AFF3: variants seen among roughly 807,000 people sequenced by gnomAD.
AFF3 encodes AF4/FMR2 family member 3.
In AFF3, 32 loss-of-function variants were observed where a neutral mutation model predicts 129.7. That is an observed-to-expected ratio of 0.25 (90% CI 0.19 to 0.33). The LOEUF (loss-of-function observed/expected upper bound fraction) is 0.33. Among genes scored for constraint, AFF3 ranks in the 10% least tolerant of loss-of-function variants. The pLI, the probability that AFF3 is intolerant of heterozygous loss-of-function variation, is 1.00. For synonymous variants in AFF3, 644 were observed against 635.4 expected (o/e 1.01, Z -0.20); for missense variants, 1,373 against 1,592.0 (o/e 0.86, Z 2.34).
chr2:99,621,825 G>A (rs1202325976), intron 13 of AFF3, among the ~76,000 whole-genome samples: 2 of 152,102 alleles, frequency 1.3e-5, no homozygotes, highest in Non-Finnish European at 2.9e-5. Context: ...AAAGAGAGAA[G>A]GGGGCAAGCT....
intron 4 of AFF3, among the ~76,000 whole-genome samples, chr2:100,103,519 T>TG (rs1267310328): frequency 9.1e-6 from 1 of 109,490 alleles, no homozygotes; most frequent in Admixed American, 9.4e-5. Flanking sequence ...AGTGGGGGGT[T>TG]GGGGGGAGCA....
At chr2:99,879,915 G>C (rs1365115764) in intron 7 of AFF3, among the ~76,000 whole-genome samples, 5 of 152,132 alleles carry the variant, frequency 3.3e-5, no homozygotes, top group African/African-American at 9.7e-5. Context: ...TATAAAAACA[G>C]TTAAAAACCA....
At position 99,786,372 on chromosome 2, in the gene AFF3, G is replaced by A. The variant is rs147054707; in HGVS notation, c.922-34071C>T. On this transcript the variant is annotated intron_variant, in intron 8 of 24. Transcript: ENST00000672756. ...GCACACACTAGCTCAGTGTACATCC[G>A]TTAATGTCAGTTGTGGCTATTGCAA... is the stretch of plus-strand genomic sequence containing the variant. Among the ~76,000 whole-genome samples, 173 of 152,234 alleles carry A rather than the reference G, an allele frequency of 1.1e-3. 4 individuals are homozygous for A. In the East Asian group the frequency reaches 0.027, roughly 24 times the overall value.
intron 10 of AFF3, 97 bp from the exon 11 acceptor site, chr2:99,727,225 C>G (rs954229987): frequency 1.6e-5 from 19 of 1,210,724 alleles, no homozygotes; most frequent in Non-Finnish European, 2.1e-5. Flanking sequence ...TATTAACAAT[C>G]TTTCAAAATG....
chr2:100,092,182 A>T (rs1034436326), intron 4 of AFF3, among the ~76,000 whole-genome samples: 4 of 152,008 alleles, frequency 2.6e-5, no homozygotes, highest in African/African-American at 9.7e-5. Flanking sequence ...ATACATTTAA[A>T]TCCAAAGGGT....
chr2:99,821,714 A>G lies in AFF3; in HGVS notation c.921+15763T>C, dbSNP rs144398374. ...TGGGCTTTTATCCGACTGGAAGCACAGTAGGTTTGCCGACACTAACATCAC... is the reference window on the plus strand; with the variant it reads ...TGGGCTTTTATCCGACTGGAAGCACGGTAGGTTTGCCGACACTAACATCAC... On this transcript the variant is annotated intron_variant, in intron 8 of 24. Coordinates refer to ENST00000672756, the MANE Select transcript of AFF3 (RefSeq NM_001386135.1). 4.7e-3 allele frequency among the ~76,000 whole-genome samples: 713 copies of G among 152,320 alleles called. 1 individual carries two copies. The highest frequency in any genetic ancestry group is 0.017 in the African/African-American group (689 of 41,576).
chr2:99,703,190 T>G (rs184768191), intron 11 of AFF3, among the ~76,000 whole-genome samples: 1 of 152,258 alleles, frequency 6.6e-6, no homozygotes, highest in African/African-American at 2.4e-5. Flanking sequence ...GAGAATCCAT[T>G]TCCCTGTTTT....
intron 8 of AFF3, among the ~76,000 whole-genome samples, chr2:99,826,608 A>G (rs1688098357): frequency 6.6e-6 from 1 of 152,098 alleles, no homozygotes; most frequent in Non-Finnish European, 1.5e-5. Context: ...GGGGAAGAGC[A>G]TGAGTTGCGC....
chr2:99,907,732 A>G (rs1171982743), intron 7 of AFF3, among the ~76,000 whole-genome samples: 1 of 151,936 alleles, frequency 6.6e-6, no homozygotes, highest in African/African-American at 2.4e-5. Context: ...TCCGCCTCCC[A>G]GGTTCAAGCG....
chr2:99,753,820 A>C (rs1286863156), intron 8 of AFF3, among the ~76,000 whole-genome samples: 1 of 152,160 alleles, frequency 6.6e-6, no homozygotes, highest in Non-Finnish European at 1.5e-5. Flanking sequence ...AATTGTATAC[A>C]ATTTTATACA....
At chr2:99,695,345 G>A (rs548695248) in intron 11 of AFF3, among the ~76,000 whole-genome samples, 140 of 152,284 alleles carry the variant, frequency 9.2e-4, no homozygotes, top group African/African-American at 3.3e-3. Flanking sequence ...GAGTCTCCCA[G>A]GGTGGGACCC....
chr2:99,626,142 G>C (rs12988542), intron 13 of AFF3, among the ~76,000 whole-genome samples: 24,467 of 152,212 alleles, frequency 0.16, 2,447 homozygotes, highest in South Asian at 0.27. Context: ...AACAGAACCA[G>C]CTTGGTAGAA....
At chr2:99,991,506 A>C (rs1466767641) in intron 7 of AFF3, among the ~76,000 whole-genome samples, 1 of 152,218 alleles carries the variant, frequency 6.6e-6, no homozygotes, top group African/African-American at 2.4e-5. Flanking sequence ...AGAGGGAAAA[A>C]AGCTGAGTCA....
intron 10 of AFF3, among the ~76,000 whole-genome samples, chr2:99,736,682 T>TTTCTCACTTCAAAGAGAATAGAAG (rs1285893376): frequency 6.0e-5 from 9 of 148,914 alleles, no homozygotes; most frequent in African/African-American, 2.2e-4. Context: ...CAATCTTGGC[T>TTTCTCACTTCAAAGAGAATAGAAG]CACTGCAACC....
At chr2:99,758,158 C>T (rs1558821930) in intron 8 of AFF3, among the ~76,000 whole-genome samples, 1 of 152,194 alleles carries the variant, frequency 6.6e-6, no homozygotes, top group Non-Finnish European at 1.5e-5. Flanking sequence ...CCTAATCACA[C>T]CTTCATTATC....
intron 17 of AFF3, 101 bp downstream of exon 17, chr2:99,582,697 G>A: frequency 7.8e-7 from 1 of 1,286,492 alleles, no homozygotes; most frequent in East Asian, 2.3e-5. Flanking sequence ...ATTCTCAAGG[G>A]ACCTCAAGCA....
At chr2:99,868,345 G>C (rs1558930431) in intron 7 of AFF3, among the ~76,000 whole-genome samples, 1 of 152,042 alleles carries the variant, frequency 6.6e-6, no homozygotes. Context: ...AGTTCACAGA[G>C]AGGGTACAGC....
intron 8 of AFF3, among the ~76,000 whole-genome samples, chr2:99,814,037 G>GT (rs926293864): frequency 6.6e-6 from 1 of 152,204 alleles, no homozygotes. Flanking sequence ...TCCAAGAAGA[G>GT]TGTTATGACC....
At chr2:99,620,578 A>C (rs1472318944) in intron 13 of AFF3, among the ~76,000 whole-genome samples, 1 of 152,184 alleles carries the variant, frequency 6.6e-6, no homozygotes, top group Non-Finnish European at 1.5e-5. Context: ...TCACTGAGCT[A>C]TGATTGTACT....
Sources: gnomAD v4.1 joint callset for allele counts (sites outside exome capture counted in the v4.1 genomes callset) on GRCh38, gnomAD v4.1.1 for gene constraint, MANE v1.5 for transcripts, NCBI Gene and HGNC (gene_info 2026-07-23, HGNC 2026-07-21) for gene names.